The following NUCB2 variants were observed in gnomAD, a reference collection of about 807,000 sequenced individuals.
NUCB2 encodes the protein nucleobindin 2, also known as nucleobindin-2.
In NUCB2, 48 loss-of-function variants were observed where a neutral mutation model predicts 57.9. The observed-to-expected ratio is 0.83, with a 90% CI of 0.66 to 1.05. The LOEUF (loss-of-function observed/expected upper bound fraction) is 1.05. NUCB2 is among the 50% of genes least tolerant of loss of function. The probability of loss-of-function intolerance (pLI) is 0.00; values close to 1 mark genes in which losing one functional copy is unlikely to be tolerated. For synonymous variants in NUCB2, 139 were observed against 152.1 expected (o/e 0.91, Z 0.64); for missense variants, 442 against 476.2 (o/e 0.93, Z 0.67).
chr11:17,339,815 G>T lies in NUCB2; in HGVS notation n.2626+2281G>T, dbSNP rs530255383. On this transcript the variant is annotated intron_variant and non_coding_transcript_variant, in intron 2 of 2. Coordinates refer to the NUCB2 transcript ENST00000532240. ...GTGAATAGTGCCACAATAAACATAC[G>T]TGTGCATGTGTCTTTATAGCAGCAT... is the stretch of plus-strand genomic sequence containing the variant. 1.8e-3 allele frequency among the ~76,000 whole-genome samples: 278 copies of T among 152,092 alleles called. 2 individuals carry two copies. The highest frequency in any genetic ancestry group is 6.5e-3 in the African/African-American group (271 of 41,496).
At chr11:17,301,454 A>G (rs1365288853) in intron 4 of NUCB2, among the ~76,000 whole-genome samples, 1 of 143,818 alleles carries the variant, frequency 7.0e-6, no homozygotes, top group Non-Finnish European at 1.5e-5. Flanking sequence ...TAATTTTTGT[A>G]TTTTTAGTAG....
rs530534491 is a variant in NUCB2, at chr11:17,301,181, C to T, written c.253-563C>T. Among the ~76,000 whole-genome samples, 8 of 151,348 alleles carry T rather than the reference C, an allele frequency of 5.3e-5. No individual in the cohort carries two copies. In the East Asian group the frequency reaches 5.8e-4, roughly 11 times the overall value. On this transcript the variant is annotated intron_variant, in intron 4 of 13. Coordinates refer to ENST00000529010, the MANE Select transcript of NUCB2 (RefSeq NM_005013.4). ...AAAGATGGGGTTTCACCATGTTGGCCGGGCTGGTCTCGAACTCCTGACCTC... is the reference window on the plus strand; with the variant it reads ...AAAGATGGGGTTTCACCATGTTGGCTGGGCTGGTCTCGAACTCCTGACCTC...
At chr11:17,325,204 G>C (rs1286549546) in intron 11 of NUCB2, among the ~76,000 whole-genome samples, 1 of 152,184 alleles carries the variant, frequency 6.6e-6, no homozygotes, top group Non-Finnish European at 1.5e-5. Flanking sequence ...AGATCCATTT[G>C]ATCTATAGTG....
chr11:17,316,829 T>C (rs149414906), intron 11 of NUCB2, among the ~76,000 whole-genome samples: 9 of 152,196 alleles, frequency 5.9e-5, no homozygotes, highest in African/African-American at 2.2e-4. Context: ...GAAAATAGTT[T>C]AAGAAAGGGT....
Position 17,301,784 on chromosome 11 carries a change from A to T in NUCB2, c.293A>T (p.His98Leu). 2 of 1,610,218 alleles carry T rather than the reference A, an allele frequency of 1.2e-6. No individual in the cohort carries two copies. The highest frequency in any genetic ancestry group is 1.7e-6 in the Non-Finnish European group (2 of 1,176,390). The change falls in exon 5 of 14, where the codon CAT becomes CTT. Residue 98 changes from histidine (H) to leucine (L), a missense_variant. Transcript: ENST00000529010. The stretch of plus-strand genomic sequence containing the variant: ...AAAGAACTGGATTTAGTAAGTCACC[A>T]TGTGAGGACAAAACTTGATGAACTG... ...LSKELDLVSH[H>L]VRTKLDELKR...
chr11:17,279,404 C>A (rs970686736), intron 1 of NUCB2, among the ~76,000 whole-genome samples: 25 of 152,098 alleles, frequency 1.6e-4, no homozygotes, highest in African/African-American at 6.0e-4. Flanking sequence ...TATTTATAAC[C>A]TTTTATAAAA....
At chr11:17,327,412 G>A (rs920519844) in intron 11 of NUCB2, among the ~76,000 whole-genome samples, 3 of 152,114 alleles carry the variant, frequency 2.0e-5, no homozygotes, top group African/African-American at 7.2e-5. Flanking sequence ...TAAATGCCAT[G>A]AGGTAGTCTG....
At chr11:17,327,255 T>G (rs1435127900) in intron 11 of NUCB2, among the ~76,000 whole-genome samples, 1 of 152,054 alleles carries the variant, frequency 6.6e-6, no homozygotes, top group Non-Finnish European at 1.5e-5. Flanking sequence ...GAGATGAGGT[T>G]TTTCCACGTT....
downstream of NUCB2, among the ~76,000 whole-genome samples, chr11:17,334,955 T>G (rs1417586575): frequency 6.6e-6 from 1 of 151,970 alleles, no homozygotes. Flanking sequence ...ATTTTTAAAC[T>G]GTTAGTCCTT....
At chr11:17,343,031 CTCT>C (rs1952413958) in intron 2 of NUCB2, among the ~76,000 whole-genome samples, 1 of 151,914 alleles carries the variant, frequency 6.6e-6, no homozygotes, top group Admixed American at 6.5e-5. Flanking sequence ...GGATAGTTAG[CTCT>C]TCTTGTTGAA....
chr11:17,301,821 A>T lies in NUCB2; in HGVS notation c.330A>T (p.Glu110Asp). The change falls in exon 5 of 14, where the codon GAA becomes GAT. Residue 110 changes from glutamate to aspartate, a missense_variant. Transcript: ENST00000529010. Reference sequence around the variant, plus strand: ...AACTTGATGAACTGAAAAGGCAAGAAGTAGGAAGGTTAAGAATGTTAATTA... The same window carrying T: ...AACTTGATGAACTGAAAAGGCAAGATGTAGGAAGGTTAAGAATGTTAATTA... ...RTKLDELKRQEVGRLRMLIKA... is the reference protein window; with the variant it reads ...RTKLDELKRQDVGRLRMLIKA... The T allele has an allele frequency of 6.2e-7, 1 of 1,613,602 alleles. No homozygotes were observed.
intron 11 of NUCB2, among the ~76,000 whole-genome samples, chr11:17,322,350 T>G (rs1024841862): frequency 5.9e-5 from 9 of 152,184 alleles, no homozygotes; most frequent in Admixed American, 5.9e-4. Flanking sequence ...GAAGAGATTG[T>G]ATTTTCCCCA....
chr11:17,336,597 A>G (rs1951816820), downstream of NUCB2, among the ~76,000 whole-genome samples: 1 of 151,384 alleles, frequency 6.6e-6, no homozygotes, highest in South Asian at 2.1e-4. Context: ...TACTAAAAAT[A>G]CAAAAAATTA....
intron 11 of NUCB2, among the ~76,000 whole-genome samples, chr11:17,324,062 C>G (rs1299766392): frequency 6.6e-6 from 1 of 151,952 alleles, no homozygotes; most frequent in Non-Finnish European, 1.5e-5. Flanking sequence ...TCATTTATTT[C>G]TGCTCTGATC....
chr11:17,315,468 G>A lies in NUCB2; in HGVS notation c.995G>A (p.Ser332Asn), dbSNP rs771130475. ...AAAAAAGAATTCTTGGAGCCAGATAGCTGGGAGGTAATAGAACCTACTCTA... is the reference window on the plus strand; with the variant it reads ...AAAAAAGAATTCTTGGAGCCAGATAACTGGGAGGTAATAGAACCTACTCTA... ...TEKKEFLEPD[S>N]WETLDQQQFF... Residue 332 changes from serine (S) to asparagine (N), a missense_variant, in exon 11 of 14, where the codon AGC becomes AAC. By Grantham distance (46) the Ser-to-Asn change is conservative (BLOSUM62 1). Transcript: ENST00000529010. 6.2e-7 allele frequency: 1 copy of A among 1,601,704 alleles called. No homozygotes were observed. The highest frequency in any genetic ancestry group is 1.1e-5 in the South Asian group (1 of 90,602).
intron 6 of NUCB2, 63 bp downstream of exon 6, chr11:17,309,738 T>C: frequency 1.0e-6 from 1 of 971,768 alleles, no homozygotes; most frequent in Non-Finnish European, 1.6e-6. Context: ...ATTTGACAAG[T>C]AAACCCAATG....
At chr11:17,290,602 A>G (rs1944754186) in intron 2 of NUCB2, among the ~76,000 whole-genome samples, 4 of 152,166 alleles carry the variant, frequency 2.6e-5, no homozygotes. Flanking sequence ...ATGAGATAAA[A>G]GATTAAATTT....
chr11:17,289,948 T>G (rs1337881660), intron 2 of NUCB2, among the ~76,000 whole-genome samples: 1 of 152,108 alleles, frequency 6.6e-6, no homozygotes, highest in Non-Finnish European at 1.5e-5. Flanking sequence ...TTTGCATGAG[T>G]CCATCAATTC....
intron 4 of NUCB2, among the ~76,000 whole-genome samples, chr11:17,300,834 A>G (rs1946581367): frequency 6.6e-6 from 1 of 152,046 alleles, no homozygotes; most frequent in Admixed American, 6.6e-5. Context: ...TTTCTGAGGA[A>G]CTGCCAAACT....
Sources: gnomAD v4.1 joint callset for allele counts (sites outside exome capture counted in the v4.1 genomes callset) on GRCh38, gnomAD v4.1.1 for gene constraint, MANE v1.5 for transcripts, NCBI Gene and HGNC (gene_info 2026-07-23, HGNC 2026-07-21) for gene names.